The following EIF3H variants were observed in gnomAD, a reference collection of about 807,000 sequenced individuals.
The protein encoded by EIF3H is eIF-3-gamma.
Under a neutral mutation model 44.2 loss-of-function variants are expected in EIF3H, and 26 were observed. The observed-to-expected ratio is 0.59, with a 90% CI of 0.43 to 0.82. The LOEUF (loss-of-function observed/expected upper bound fraction) is 0.82. Ranked by LOEUF, EIF3H falls within the 40% of genes least tolerant of loss-of-function variation. EIF3H has a pLI of 0.00. For synonymous variants in EIF3H, 166 were observed against 151.9 expected (o/e 1.09, Z -0.68); for missense variants, 359 against 432.8 (o/e 0.83, Z 1.51).
chr8:116,743,795 TATAAACACACACACACAC>T (rs1386055177), intron 1 of EIF3H, among the ~76,000 whole-genome samples: 260 of 48,382 alleles, frequency 5.4e-3, no homozygotes, highest in East Asian at 0.026. Flanking sequence ...TATATATATA[TATAAACACACACACACAC>T]ACACACACAC....
At chr8:116,752,737 GAA>G (rs1315968008) in intron 1 of EIF3H, among the ~76,000 whole-genome samples, 2 of 91,946 alleles carry the variant, frequency 2.2e-5, no homozygotes, top group African/African-American at 8.9e-5. Context: ...AGAAAGAAGA[GAA>G]AGAAAGAAAG....
intron 7 of EIF3H, among the ~76,000 whole-genome samples, chr8:116,646,036 C>T (rs1813291136): frequency 6.6e-6 from 1 of 152,198 alleles, no homozygotes. Flanking sequence ...AAAAGTTTAT[C>T]CGGAAATACA....
At chr8:116,704,885 A>G (rs182280157) in intron 2 of EIF3H, among the ~76,000 whole-genome samples, 1 of 152,312 alleles carries the variant, frequency 6.6e-6, no homozygotes, top group East Asian at 1.9e-4. Flanking sequence ...TGCAATGTGT[A>G]GCTCTCACGT....
intron 2 of EIF3H, among the ~76,000 whole-genome samples, chr8:116,683,540 G>A (rs933522914): frequency 2.0e-5 from 3 of 152,122 alleles, no homozygotes; most frequent in East Asian, 3.8e-4. Context: ...GAAATTTGAC[G>A]TAAGAATTTT....
chr8:116,658,537 C>A, intron 3 of EIF3H: 1 of 324,912 alleles, frequency 3.1e-6, no homozygotes. Flanking sequence ...TCTAGTTCCA[C>A]CAGCCCCTTC....
At chr8:116,667,482 T>C (rs1007561354) in intron 2 of EIF3H, among the ~76,000 whole-genome samples, 1 of 148,756 alleles carries the variant, frequency 6.7e-6, no homozygotes, top group South Asian at 2.1e-4. Flanking sequence ...AAAAAAAGAT[T>C]AAGGGGCTAA....
chr8:116,677,815 G>A (rs1813874140), intron 2 of EIF3H, among the ~76,000 whole-genome samples: 1 of 152,100 alleles, frequency 6.6e-6, no homozygotes, highest in Non-Finnish European at 1.5e-5. Flanking sequence ...CTTTGATTCT[G>A]TTGATAGAAA....
chr8:116,728,349 G>T (rs78059659), intron 1 of EIF3H, among the ~76,000 whole-genome samples: 1 of 151,946 alleles, frequency 6.6e-6, no homozygotes, highest in Non-Finnish European at 1.5e-5. Flanking sequence ...ATGGCTAAAG[G>T]TCACACATCT....
At chr8:116,678,928 C>T (rs1420469658) in intron 2 of EIF3H, among the ~76,000 whole-genome samples, 686 of 98,106 alleles carry the variant, frequency 7.0e-3, no homozygotes, top group Middle Eastern at 0.016. Flanking sequence ...CTCTGCCCGG[C>T]CGCCCCTACT....
intron 2 of EIF3H, among the ~76,000 whole-genome samples, chr8:116,718,343 T>A (rs1814688333): frequency 6.6e-6 from 1 of 152,140 alleles, no homozygotes; most frequent in Admixed American, 6.6e-5. Context: ...GATCTACCAT[T>A]TGATCCAGCA....
chr8:116,695,913 G>A (rs371902931), intron 2 of EIF3H, among the ~76,000 whole-genome samples: 4 of 152,152 alleles, frequency 2.6e-5, no homozygotes, highest in Non-Finnish European at 4.4e-5. Flanking sequence ...GAGAAAAGTA[G>A]AATAAACTCA....
chr8:116,662,600 C>T (rs1380722438), intron 2 of EIF3H, among the ~76,000 whole-genome samples: 2 of 152,198 alleles, frequency 1.3e-5, no homozygotes, highest in African/African-American at 4.8e-5. Flanking sequence ...CTTTGAATCC[C>T]ATCTCCCTTC....
At chr8:116,667,183 G>A (rs1188543916) in intron 2 of EIF3H, among the ~76,000 whole-genome samples, 2 of 152,148 alleles carry the variant, frequency 1.3e-5, no homozygotes, top group East Asian at 3.9e-4. Context: ...CCAAATCAAA[G>A]CAAAAAGGAA....
chr8:116,719,985 A>G (rs1814717597), intron 2 of EIF3H, among the ~76,000 whole-genome samples: 1 of 152,196 alleles, frequency 6.6e-6, no homozygotes, highest in East Asian at 1.9e-4. Flanking sequence ...GCCAGCTACC[A>G]GTTTCAGTCC....
At chr8:116,759,317 G>A (rs1815491123), upstream of EIF3H, among the ~76,000 whole-genome samples, 1 of 152,234 alleles carries the variant, frequency 6.6e-6, no homozygotes, top group South Asian at 2.1e-4. Context: ...CGCTGCCCAT[G>A]TGTGATTACT....
chr8:116,759,896 A>G (rs2131009045), upstream of EIF3H, among the ~76,000 whole-genome samples: 1 of 152,096 alleles, frequency 6.6e-6, no homozygotes, highest in East Asian at 1.9e-4. Flanking sequence ...ACACTTGAAT[A>G]ATTTTTGTAC....
At chr8:116,697,055 C>T (rs777320580) in intron 2 of EIF3H, 1 of 456,174 alleles carries the variant, frequency 2.2e-6, no homozygotes, top group Non-Finnish European at 4.4e-6. Flanking sequence ...TGGCTCACCT[C>T]TCCAGCTGGG....
chr8:116,714,801 A>C (rs755909851), intron 2 of EIF3H, among the ~76,000 whole-genome samples: 2 of 152,104 alleles, frequency 1.3e-5, no homozygotes, highest in African/African-American at 2.4e-5. Context: ...AGACAAAATA[A>C]TAAGTAAACA....
intron 2 of EIF3H, among the ~76,000 whole-genome samples, chr8:116,677,699 T>C (rs1813872306): frequency 6.6e-6 from 1 of 152,214 alleles, no homozygotes; most frequent in African/African-American, 2.4e-5. Context: ...CATGTGTAAC[T>C]TGCCCATATA....
Sources: allele counts gnomAD v4.1 joint callset (sites outside exome capture counted in the v4.1 genomes callset), GRCh38; gene constraint gnomAD v4.1.1; transcripts MANE v1.5; gene names NCBI Gene and HGNC (gene_info 2026-07-23, HGNC 2026-07-21).